CALN1: variants seen among roughly 807,000 people sequenced by gnomAD.
CALN1 encodes calcium-binding protein 8.
A neutral mutation model predicts 30.6 loss-of-function variants in CALN1; 17 were observed. The observed-to-expected ratio is 0.56, with a 90% CI of 0.38 to 0.83. CALN1 has a LOEUF of 0.83. CALN1 is among the 40% of genes least tolerant of loss of function. CALN1 has a pLI of 0.00. For synonymous variants in CALN1, 156 were observed against 131.4 expected (o/e 1.19, Z -1.28); for missense variants, 291 against 354.9 (o/e 0.82, Z 1.45).
At chr7:72,445,992 C>T (rs142092535) in intron 1 of CALN1, among the ~76,000 whole-genome samples, 726 of 152,266 alleles carry the variant, frequency 4.8e-3, no homozygotes, top group Middle Eastern at 0.01. Context: ...AGCACTTCCC[C>T]TCCCAAGCTC....
chr7:72,422,902 G>T (rs994140540), intron 1 of CALN1, among the ~76,000 whole-genome samples: 3 of 152,110 alleles, frequency 2.0e-5, no homozygotes, highest in Non-Finnish European at 2.9e-5. Context: ...GCTGAGGCAG[G>T]CAGATCACTT....
At chr7:71,961,836 C>T (rs114482061) in intron 5 of CALN1, among the ~76,000 whole-genome samples, 1,822 of 152,260 alleles carry the variant, frequency 0.012, 33 homozygotes, top group African/African-American at 0.041. Context: ...AACTCTGCTA[C>T]TCTGGCAGTA....
chr7:72,051,975 C>A (rs1368381573), intron 4 of CALN1, among the ~76,000 whole-genome samples: 5 of 152,160 alleles, frequency 3.3e-5, no homozygotes, highest in African/African-American at 4.8e-5. Context: ...AGCAATGCCC[C>A]AAGGATGCTT....
chr7:72,372,751 C>G (rs1050041397), intron 2 of CALN1, among the ~76,000 whole-genome samples: 1 of 152,124 alleles, frequency 6.6e-6, no homozygotes, highest in Non-Finnish European at 1.5e-5. Context: ...CTGGATCCAA[C>G]CAGACTGATC....
chr7:72,274,841 G>A (rs1441014974), intron 3 of CALN1, among the ~76,000 whole-genome samples: 1 of 152,124 alleles, frequency 6.6e-6, no homozygotes, highest in African/African-American at 2.4e-5. Context: ...GAGTTTGGCT[G>A]GGTGATTCCC....
At chr7:72,189,054 C>T (rs1244454027) in intron 3 of CALN1, among the ~76,000 whole-genome samples, 1 of 152,182 alleles carries the variant, frequency 6.6e-6, no homozygotes, top group Non-Finnish European at 1.5e-5. Flanking sequence ...GCAAAGTGGA[C>T]CCTTGGATGC....
chr7:72,368,643 A>C (rs1259226139), intron 2 of CALN1, among the ~76,000 whole-genome samples: 2 of 152,108 alleles, frequency 1.3e-5, no homozygotes, highest in African/African-American at 4.8e-5. Flanking sequence ...GATCATACGG[A>C]GGTCATCTGA....
At chr7:72,445,803 G>A (rs1387024323) in intron 1 of CALN1, among the ~76,000 whole-genome samples, 1 of 152,152 alleles carries the variant, frequency 6.6e-6, no homozygotes, top group African/African-American at 2.4e-5. Context: ...ATTGCAAAGG[G>A]ATTTAGCTGC....
chr7:72,217,831 A>ATTT (rs1562753441), intron 3 of CALN1, among the ~76,000 whole-genome samples: 1 of 132,948 alleles, frequency 7.5e-6, no homozygotes, highest in Non-Finnish European at 1.6e-5. Context: ...AAATTAAATA[A>ATTT]ATTTTTTTTT....
At chr7:72,287,560 C>A (rs1345657655) in intron 2 of CALN1, among the ~76,000 whole-genome samples, 1 of 149,834 alleles carries the variant, frequency 6.7e-6, no homozygotes, top group Admixed American at 6.7e-5. Context: ...CATTCTCCTG[C>A]CTCAGCCTCC....
chr7:72,488,752 T>C, the CALN1 span, among the ~76,000 whole-genome samples: 2 of 152,148 alleles, frequency 1.3e-5, no homozygotes, highest in African/African-American at 4.8e-5. Flanking sequence ...GGTGCAATCA[T>C]AACTCACTGC....
intron 5 of CALN1, among the ~76,000 whole-genome samples, chr7:71,811,414 T>C (rs975759447): frequency 5.3e-5 from 8 of 149,756 alleles, no homozygotes; most frequent in African/African-American, 2.0e-4. Flanking sequence ...TTGCTATGTT[T>C]CCCAGGCTGG....
intron 5 of CALN1, among the ~76,000 whole-genome samples, chr7:71,861,190 TGC>T (rs1308575422): frequency 1.4e-5 from 2 of 147,316 alleles, no homozygotes; most frequent in African/African-American, 5.1e-5. Flanking sequence ...TGTGTGTGTG[TGC>T]GTGTGTGTGT....
At chr7:72,433,345 G>A (rs1422452075) in intron 1 of CALN1, among the ~76,000 whole-genome samples, 1 of 152,142 alleles carries the variant, frequency 6.6e-6, no homozygotes, top group African/African-American at 2.4e-5. Flanking sequence ...TGCATCAGCT[G>A]TGCTATATAA....
chr7:71,867,535 A>T (rs1194505777), intron 5 of CALN1, among the ~76,000 whole-genome samples: 1 of 152,092 alleles, frequency 6.6e-6, no homozygotes, highest in African/African-American at 2.4e-5. Context: ...CCCGGATTCA[A>T]GTGATTCTCC....
chr7:72,236,079 C>CA (rs11299009), intron 3 of CALN1, among the ~76,000 whole-genome samples: 387 of 118,542 alleles, frequency 3.3e-3, no homozygotes, highest in Non-Finnish European at 4.4e-3. Context: ...CCATTCTCCA[C>CA]AAAAAAAAAA....
intron 1 of CALN1, among the ~76,000 whole-genome samples, chr7:72,411,671 A>C (rs1204904657): frequency 6.6e-6 from 1 of 152,248 alleles, no homozygotes; most frequent in Non-Finnish European, 1.5e-5. Flanking sequence ...AAAGTGGATA[A>C]GTTCTCAATG....
At chr7:72,052,378 G>A (rs140021866) in intron 4 of CALN1, among the ~76,000 whole-genome samples, 2 of 152,230 alleles carry the variant, frequency 1.3e-5, no homozygotes, top group Non-Finnish European at 2.9e-5. Flanking sequence ...AGATACGGAG[G>A]ATCTGCCCCT....
intron 3 of CALN1, among the ~76,000 whole-genome samples, chr7:72,227,143 C>T (rs578025285): frequency 6.6e-5 from 10 of 151,638 alleles, no homozygotes; most frequent in East Asian, 5.8e-4. Flanking sequence ...GCTACCTGGG[C>T]GACAGTTTCA....
Sources: allele counts gnomAD v4.1 joint callset (sites outside exome capture counted in the v4.1 genomes callset), GRCh38; gene constraint gnomAD v4.1.1; transcripts MANE v1.5; gene names NCBI Gene and HGNC (gene_info 2026-07-23, HGNC 2026-07-21).